UST: variants seen among roughly 807,000 people sequenced by gnomAD.
UST encodes uronyl 2-sulfotransferase.
UST carries 21 observed loss-of-function variants against 45.6 expected under a neutral mutation model. The ratio of observed to expected loss-of-function variants is 0.46; its 90% CI spans 0.33 to 0.66. The LOEUF is 0.66. Among genes scored for constraint, UST ranks in the 30% least tolerant of loss-of-function variants. The pLI, the probability that UST is intolerant of heterozygous loss-of-function variation, is 0.02. For synonymous variants in UST, 215 were observed against 200.6 expected, an observed-to-expected ratio of 1.07 and a Z score of -0.61; for missense variants, 463 against 512.4, an observed-to-expected ratio of 0.90 and a Z score of 0.93.
rs1439782387 is a variant in UST, at chr6:149,072,516, G to A, written c.938-1317G>A. Among the ~76,000 whole-genome samples the A allele has an allele frequency of 2.0e-5, 3 of 152,194 alleles. No individual in the cohort carries two copies. The East Asian group carries it at 5.8e-4, about 30-fold the overall frequency. On this transcript the variant is annotated intron_variant, in intron 7 of 7. Transcript: ENST00000367463. ...TAAAAATACAAAATTAGCCAGGCATGGTGGTGCATGCCTGTAATCTCAGCT... is the reference window on the plus strand; with the variant it reads ...TAAAAATACAAAATTAGCCAGGCATAGTGGTGCATGCCTGTAATCTCAGCT...
At chr6:148,929,195 GCCTCCCCCTCTTTAGCA>G (rs1271013050) in intron 2 of UST, among the ~76,000 whole-genome samples, 1 of 152,172 alleles carries the variant, frequency 6.6e-6, no homozygotes, top group Non-Finnish European at 1.5e-5. Flanking sequence ...TTCTCCCACA[GCCTCCCCCTCTTTAGCA>G]GAAATCTGAC....
intron 5 of UST, among the ~76,000 whole-genome samples, chr6:148,973,714 C>G (rs1780964580): frequency 6.6e-6 from 1 of 152,088 alleles, no homozygotes; most frequent in South Asian, 2.1e-4. Flanking sequence ...TATTTTTTTC[C>G]CTACCCAGCT....
chr6:148,805,832 A>G (rs185829311), intron 1 of UST, among the ~76,000 whole-genome samples: 68 of 152,360 alleles, frequency 4.5e-4, no homozygotes, highest in Non-Finnish European at 4.4e-5. Context: ...CACAGGTTTT[A>G]TAACTTCAAA....
chr6:148,783,193 T>G (rs560289777), intron 1 of UST, among the ~76,000 whole-genome samples: 1 of 152,372 alleles, frequency 6.6e-6, no homozygotes, highest in African/African-American at 2.4e-5. Flanking sequence ...AATTTTTATA[T>G]TAAGGTATAT....
At chr6:148,844,323 A>G (rs1025239904) in intron 1 of UST, among the ~76,000 whole-genome samples, 2 of 152,236 alleles carry the variant, frequency 1.3e-5, no homozygotes, top group African/African-American at 4.8e-5. Flanking sequence ...CTTAAAGAGA[A>G]TAAGTTACTT....
chr6:148,877,589 A>T (rs1383747042), intron 1 of UST, among the ~76,000 whole-genome samples: 1 of 52,664 alleles, frequency 1.9e-5, no homozygotes, highest in African/African-American at 8.8e-5. Context: ...TATGAGTGCG[A>T]GGGGTCGTGT....
Position 148,872,171 on chromosome 6 carries a change from A to G in UST, c.248-14815A>G, listed in dbSNP as rs146268586. ...GGATTAAAGCCCCCTTTCAAAGACA[A>G]CACTCTTATCTGTTGATGTTCTATA... On this transcript the variant is annotated intron_variant, in intron 1 of 7. Coordinates refer to ENST00000367463, the MANE Select transcript of UST (RefSeq NM_005715.3). Among the ~76,000 whole-genome samples, 59 of 152,292 alleles carry G rather than the reference A, an allele frequency of 3.9e-4. No homozygotes were observed. The East Asian group carries it at 0.011, about 27-fold the overall frequency.
At chr6:148,870,322 G>A (rs1045518529) in intron 1 of UST, among the ~76,000 whole-genome samples, 5 of 152,154 alleles carry the variant, frequency 3.3e-5, no homozygotes, top group African/African-American at 1.2e-4. Flanking sequence ...GATGGGAGGG[G>A]CTGCTGAGAT....
chr6:149,020,574 C>A (rs1015756513), intron 6 of UST, among the ~76,000 whole-genome samples: 1 of 152,180 alleles, frequency 6.6e-6, no homozygotes. Flanking sequence ...ATCATATCAC[C>A]TTGCACAGTC....
At chr6:149,060,524 C>G (rs1222118310) in intron 7 of UST, among the ~76,000 whole-genome samples, 1 of 152,212 alleles carries the variant, frequency 6.6e-6, no homozygotes, top group Non-Finnish European at 1.5e-5. Flanking sequence ...CCCTATAATT[C>G]AGGAAATGAG....
intron 7 of UST, among the ~76,000 whole-genome samples, chr6:149,028,788 TAA>T (rs753859440): frequency 7.2e-5 from 11 of 152,218 alleles, no homozygotes; most frequent in Middle Eastern, 3.2e-3. Context: ...GACTTTTCAC[TAA>T]ATGAAACCCA....
chr6:148,972,683 T>C (rs1780941762), intron 5 of UST, among the ~76,000 whole-genome samples: 1 of 152,270 alleles, frequency 6.6e-6, no homozygotes, highest in Non-Finnish European at 1.5e-5. Context: ...CCCCTCGCTG[T>C]GAGTCAGCGG....
intron 1 of UST, among the ~76,000 whole-genome samples, chr6:148,781,462 G>C (rs1368900641): frequency 6.6e-6 from 1 of 152,218 alleles, no homozygotes; most frequent in African/African-American, 2.4e-5. Flanking sequence ...GAAGCTACCA[G>C]AGGTTGGTTC....
At chr6:148,822,775 T>G (rs1015745401) in intron 1 of UST, among the ~76,000 whole-genome samples, 23 of 152,246 alleles carry the variant, frequency 1.5e-4, no homozygotes, top group African/African-American at 5.1e-4. Context: ...ACGTTACTTT[T>G]GCATTGAAAG....
chr6:149,003,009 A>T (rs976684776), intron 5 of UST, among the ~76,000 whole-genome samples: 2 of 152,222 alleles, frequency 1.3e-5, no homozygotes, highest in African/African-American at 4.8e-5. Context: ...TAGATGCCTT[A>T]ATTCATAATG....
At chr6:148,828,998 G>A (rs1231375782) in intron 1 of UST, among the ~76,000 whole-genome samples, 1 of 152,196 alleles carries the variant, frequency 6.6e-6, no homozygotes, top group African/African-American at 2.4e-5. Flanking sequence ...AGCAGGAATT[G>A]CTCAAAATAT....
At chr6:148,953,720 C>T (rs899924353) in intron 3 of UST, 152 bp from the exon 4 acceptor site, 5 of 343,968 alleles carry the variant, frequency 1.5e-5, no homozygotes, top group Admixed American at 1.1e-4. Context: ...TGCAGTGAAC[C>T]GAGATCGAGC....
At chr6:148,983,172 A>G (rs746690384) in intron 5 of UST, among the ~76,000 whole-genome samples, 1 of 152,204 alleles carries the variant, frequency 6.6e-6, no homozygotes, top group Non-Finnish European at 1.5e-5. Context: ...CATTAAGTCA[A>G]CCGTCTTCCA....
chr6:148,912,491 C>T (rs959914142), intron 2 of UST, among the ~76,000 whole-genome samples: 1 of 152,244 alleles, frequency 6.6e-6, no homozygotes, highest in Admixed American at 6.5e-5. Flanking sequence ...TAATCAATAA[C>T]TCTAGCCATG....
Sources: allele counts gnomAD v4.1 joint callset (sites outside exome capture counted in the v4.1 genomes callset), GRCh38; gene constraint gnomAD v4.1.1; transcripts MANE v1.5; gene names NCBI Gene and HGNC (gene_info 2026-07-23, HGNC 2026-07-21).